RPL8: variants seen among roughly 807,000 people sequenced by gnomAD.
The protein encoded by RPL8 is ribosomal protein L8, also known as large ribosomal subunit protein uL2.
For synonymous variants in RPL8, 182 were observed against 143.2 expected, an observed-to-expected ratio of 1.27 and a Z score of -1.94; for missense variants, 248 against 365.9, an observed-to-expected ratio of 0.68 and a Z score of 2.63.
chr8:144,791,978 C>T lies in RPL8; in HGVS notation c.138+14G>A, dbSNP rs1362812096. The stretch of plus-strand genomic sequence containing the variant: ...GGCGTCCCTTCCCCTCCCGCCCCGG[C>T]CAGCGTTCCGCACCTTGACGATGCC... On this transcript the variant is annotated intron_variant, in intron 1 of 4. Transcript: ENST00000528957. 1.9e-6 allele frequency: 3 copies of T among 1,608,934 alleles called. No homozygotes were observed. Among genetic ancestry groups the T allele is most frequent in the Non-Finnish European group, 2.5e-6 (3 of 1,177,592 alleles).
chr8:144,790,308 G>A, intron 4 of RPL8, 47 bp downstream of exon 4: 2 of 1,472,100 alleles, frequency 1.4e-6, no homozygotes, highest in Non-Finnish European at 1.9e-6. Context: ...CCAACAGTGT[G>A]GCCACTGTAA....
Position 144,792,265 on chromosome 8 carries a change from C to G in RPL8, c.-136G>C, listed in dbSNP as rs1826563979. On this transcript the variant is annotated 5_prime_UTR_variant, in exon 1 of 5. Transcript: ENST00000528957. ...CCTACCCTCTCCGCGGGCGCCCGCA[C>G]CGGCATCCTCTCAGGAGGGCCGGTC... The G allele has an allele frequency of 7.9e-7, 1 of 1,258,622 alleles. No homozygotes were observed. Among genetic ancestry groups the G allele is most frequent in the Non-Finnish European group, 1.0e-6 (1 of 973,484 alleles). The allele number at this position is 1,258,622 out of a possible 1,614,324, so 78.0% of individuals were successfully genotyped here.
chr8:144,790,989 C>T, intron 3 of RPL8: 2 of 503,604 alleles, frequency 4.0e-6, no homozygotes, highest in South Asian at 2.0e-5. Flanking sequence ...GGCTGTTAAC[C>T]AACTGCATGC....
In RPL8 at chr8:144,792,048, G is replaced by A. The variant is rs760145984; in HGVS notation, c.82C>T (p.Arg28Cys). The A allele has an allele frequency of 8.7e-6, 14 of 1,609,078 alleles. No homozygotes were observed. Among genetic ancestry groups the A allele is most frequent in the South Asian group, 7.7e-5 (7 of 90,832 alleles). Residue 28 changes from arginine to cysteine, a missense_variant, in exon 1 of 5, where the codon CGC becomes TGC. Arg to Cys is a radical substitution (Grantham distance 180, BLOSUM62 -3). Coordinates refer to ENST00000528957, the MANE Select transcript of RPL8 (RefSeq NM_001317782.2). ...AHVKHRKGAARLRAVDFAERH... is the reference protein window; with the variant it reads ...AHVKHRKGAACLRAVDFAERH... The stretch of plus-strand genomic sequence containing the variant: ...TCAGCGAAATCCACGGCGCGCAGGC[G>A]CGCAGCGCCTTTACGGTGCTTCACG...
At position 144,790,420 on chromosome 8, in the gene RPL8, G is replaced by A. The variant is rs776896287; in HGVS notation, c.550C>T (p.Arg184Trp). ...TTTGCCTTATATTTGTGGTACGCCC[G>A]GCCAGCCTTCAAGATGGGTTTGTCA... is the stretch of plus-strand genomic sequence containing the variant. ...RIDKPILKAG[R>W]AYHKYKAKRN... Residue 184 changes from arginine (R) to tryptophan (W), a missense_variant, in exon 4 of 5, where the codon CGG becomes TGG. Transcript: ENST00000528957. The A allele has an allele frequency of 4.3e-6, 7 of 1,614,034 alleles. No homozygotes were observed. The highest frequency in any genetic ancestry group is 5.9e-6 in the Non-Finnish European group (7 of 1,180,012).
In RPL8 at chr8:144,792,167, C is replaced by G. The variant is rs1200994401; in HGVS notation, c.-38G>C. ...TGGGGGCGACTCACGATTAGCGCGG[C>G]CGGGCGGCCCGGGTACCCCCGCCAG... On this transcript the variant is annotated 5_prime_UTR_variant, in exon 1 of 5. Transcript: ENST00000528957. 6.9e-7 allele frequency: 1 copy of G among 1,450,682 alleles called. No individual in the cohort carries two copies. The highest frequency in any genetic ancestry group is 9.0e-7 in the Non-Finnish European group (1 of 1,110,434). 89.9% of individuals were successfully genotyped at this position (1,450,682 alleles called of 1,614,324 possible). A position where few individuals can be genotyped will look rare whatever the true frequency, so the allele number is the denominator to read the frequency against.
intron 4 of RPL8, 78 bp from the exon 5 acceptor site, chr8:144,790,040 G>A (rs1826443058): frequency 4.7e-6 from 7 of 1,482,016 alleles, no homozygotes; most frequent in East Asian, 2.4e-5. Context: ...CACCCGTCAG[G>A]GGCCCAATTC....
At chr8:144,790,102 A>C in intron 4 of RPL8, 140 bp from the exon 5 acceptor site, 2 of 1,110,476 alleles carry the variant, frequency 1.8e-6, no homozygotes, top group Non-Finnish European at 2.5e-6. Context: ...AGTCAGGCTG[A>C]CTCTTTCCAG....
At chr8:144,791,519 C>T in intron 2 of RPL8, 24 bp from the exon 3 acceptor site, 1 of 1,609,838 alleles carries the variant, frequency 6.2e-7, no homozygotes, top group Non-Finnish European at 8.5e-7. Flanking sequence ...CAGCATCAGG[C>T]CGTCAGCACA....
intron 2 of RPL8, 75 bp from the exon 3 acceptor site, chr8:144,791,570 G>T: frequency 1.3e-6 from 2 of 1,523,114 alleles, no homozygotes; most frequent in South Asian, 1.2e-5. Context: ...GGCAACCCGC[G>T]AAGTTGCGAG....
chr8:144,790,853 G>C (rs1826484035), intron 3 of RPL8: 4 of 528,450 alleles, frequency 7.6e-6, no homozygotes, highest in Non-Finnish European at 1.5e-5. Flanking sequence ...GCGAGGCTGA[G>C]TTCATCACAA....
At position 144,790,342 on chromosome 8, in the gene RPL8, C is replaced by A; in HGVS notation, c.615+13G>T. 6.2e-7 allele frequency: 1 copy of A among 1,608,172 alleles called. No homozygotes were observed. Among genetic ancestry groups the A allele is most frequent in the Non-Finnish European group, 8.5e-7 (1 of 1,174,700 alleles). The stretch of plus-strand genomic sequence containing the variant: ...AACTTCAATACCCAACCCTGCATTT[C>A]TGGGTTACTTACATTCATGGCCACA... On this transcript the variant is annotated intron_variant, in intron 4 of 4. Coordinates refer to ENST00000528957, the MANE Select transcript of RPL8 (RefSeq NM_001317782.2).
chr8:144,791,541 T>C (rs779514560), intron 2 of RPL8, 46 bp from the exon 3 acceptor site: 3 of 1,590,550 alleles, frequency 1.9e-6, no homozygotes, highest in East Asian at 2.3e-5. Context: ...TAAGAAACAA[T>C]GCGAACCCCC....
At chr8:144,790,112 G>T in intron 4 of RPL8, 150 bp from the exon 5 acceptor site, 1 of 1,050,038 alleles carries the variant, frequency 9.5e-7, no homozygotes, top group Non-Finnish European at 1.4e-6. Context: ...ACTCTTTCCA[G>T]CTCAGGCCCC....
intron 4 of RPL8, 103 bp downstream of exon 4, chr8:144,790,252 G>T: frequency 4.1e-6 from 4 of 981,936 alleles, no homozygotes; most frequent in Non-Finnish European, 6.3e-6. Context: ...TCCTCCCACC[G>T]TAGATCCCCC....
chr8:144,791,292 T>C lies in RPL8; in HGVS notation c.484A>G (p.Asn162Asp), dbSNP rs762210046. Reference sequence around the variant, plus strand: ...TGATACTCACCAACCACAGCTCTGTTGGCTGAGGAGATAACCTTCTTGGAG... The same window carrying C: ...TGATACTCACCAACCACAGCTCTGTCGGCTGAGGAGATAACCTTCTTGGAG... ...SGSKKVISSA[N>D]RAVVGVVAGG... is the part of the protein sequence containing the mutation. The change falls in exon 3 of 5, where the codon AAC becomes GAC. Residue 162 changes from asparagine to aspartate, a missense_variant. Physicochemically the swap from Asn to Asp is conservative, Grantham distance 23. Transcript: ENST00000528957. The C allele has an allele frequency of 6.2e-7, 1 of 1,611,594 alleles. No individual in the cohort carries two copies. The highest frequency in any genetic ancestry group is 8.5e-7 in the Non-Finnish European group (1 of 1,179,838).
intron 3 of RPL8, chr8:144,791,014 G>A (rs1826491480): frequency 1.9e-6 from 1 of 537,248 alleles, no homozygotes. Context: ...GCAGCAATCA[G>A]GAAGCCCACG....
chr8:144,790,704 C>T (rs1826476072), intron 3 of RPL8: 4 of 684,220 alleles, frequency 5.8e-6, no homozygotes, highest in South Asian at 4.5e-5. Context: ...GCTGGCTGAG[C>T]TCCAAGCGCA....
Position 144,791,843 on chromosome 8 carries a change from C to G in RPL8, c.210G>C (p.Lys70Asn), listed in dbSNP as rs1826535899. 6.2e-7 allele frequency: 1 copy of G among 1,613,906 alleles called. No individual in the cohort carries two copies. Among genetic ancestry groups the G allele is most frequent in the East Asian group, 2.2e-5 (1 of 44,876 alleles). ...CGGCAATGAACAGCTCCGTCCGCTT[C>G]TTAAACCGATACGGATCCCGGAAGA... ...KVVFRDPYRF[K>N]KRTELFIAAE... The change falls in exon 2 of 5, where the codon AAG (lysine) becomes AAC (asparagine). Residue 70 changes from lysine (K) to asparagine (N), a missense_variant. Physicochemically the swap from Lys to Asn is moderately conservative, Grantham distance 94. Coordinates refer to ENST00000528957, the MANE Select transcript of RPL8 (RefSeq NM_001317782.2).
Sources: allele counts gnomAD v4.1 joint callset, GRCh38; gene constraint gnomAD v4.1.1; transcripts MANE v1.5; gene names NCBI Gene and HGNC (gene_info 2026-07-23, HGNC 2026-07-21).